Variants in PPP1R12A observed in about 807,000 individuals in gnomAD.
The protein encoded by PPP1R12A is myosin binding subunit.
Under a neutral mutation model 139.6 loss-of-function variants are expected in PPP1R12A, and 19 were observed. The observed-to-expected ratio is 0.14, with a 90% confidence interval of 0.09 to 0.20. The LOEUF is 0.20. PPP1R12A is among the 10% of genes least tolerant of loss of function. The pLI, the probability that PPP1R12A is intolerant of heterozygous loss-of-function variation, is 1.00. For synonymous variants in PPP1R12A, 427 were observed against 420.6 expected (o/e 1.02, Z -0.19); for missense variants, 925 against 1,211.5 (o/e 0.76, Z 3.51).
chr12:79,813,726 T>A (rs1874893554), intron 9 of PPP1R12A, among the ~76,000 whole-genome samples: 1 of 152,202 alleles, frequency 6.6e-6, no homozygotes. Flanking sequence ...AATCATCAGC[T>A]TGATATTGCT....
chr12:79,929,745 G>A (rs1255629782), intron 1 of PPP1R12A, among the ~76,000 whole-genome samples: 1 of 151,502 alleles, frequency 6.6e-6, no homozygotes, highest in Non-Finnish European at 1.5e-5. Context: ...CTCCAGCCTG[G>A]GTGACAGAAT....
intron 1 of PPP1R12A, among the ~76,000 whole-genome samples, chr12:79,881,313 A>C: frequency 6.6e-6 from 1 of 152,174 alleles, no homozygotes; most frequent in Non-Finnish European, 1.5e-5. Flanking sequence ...ATGCAAAGGA[A>C]AAGTTCTTGA....
chr12:79,817,042 A>G (rs1875487254), intron 9 of PPP1R12A, among the ~76,000 whole-genome samples: 1 of 152,120 alleles, frequency 6.6e-6, no homozygotes, highest in African/African-American at 2.4e-5. Context: ...TAAAGGATAT[A>G]AAACCTGAGC....
chr12:79,840,045 G>A (rs937792935), intron 3 of PPP1R12A, among the ~76,000 whole-genome samples: 33 of 151,072 alleles, frequency 2.2e-4, no homozygotes, highest in Admixed American at 1.9e-3. Flanking sequence ...GTATTTTCTA[G>A]GGAGACATTT....
intron 1 of PPP1R12A, among the ~76,000 whole-genome samples, chr12:79,930,075 C>CAA (rs1166927763): frequency 2.0e-5 from 3 of 152,158 alleles, no homozygotes; most frequent in African/African-American, 4.8e-5. Context: ...AAGACAAACA[C>CAA]AAACACTATT....
intron 5 of PPP1R12A, among the ~76,000 whole-genome samples, chr12:79,827,443 T>C (rs970658189): frequency 6.6e-6 from 1 of 152,192 alleles, no homozygotes; most frequent in African/African-American, 2.4e-5. Context: ...ACCTATGATA[T>C]TATCCTATAA....
At chr12:79,795,548 G>A in intron 18 of PPP1R12A, 90 bp downstream of exon 18, 6 of 1,274,038 alleles carry the variant, frequency 4.7e-6, no homozygotes, top group Admixed American at 2.3e-5. Flanking sequence ...GAAATCTAAG[G>A]CATATAAGAA....
chr12:79,871,767 G>A (rs950634973), intron 2 of PPP1R12A, among the ~76,000 whole-genome samples: 5 of 152,028 alleles, frequency 3.3e-5, no homozygotes, highest in East Asian at 1.9e-4. Flanking sequence ...TAAAGAACTC[G>A]AGATTGAGCG....
At chr12:79,909,335 G>A (rs184152537) in intron 1 of PPP1R12A, among the ~76,000 whole-genome samples, 100 of 152,166 alleles carry the variant, frequency 6.6e-4, no homozygotes, top group Non-Finnish European at 1.2e-3. Context: ...CAACCAAATA[G>A]TTCCCTCTGA....
intron 6 of PPP1R12A, 99 bp downstream of exon 6, chr12:79,822,017 C>G (rs1233522971): frequency 1.1e-6 from 1 of 888,454 alleles, no homozygotes; most frequent in African/African-American, 1.7e-5. Flanking sequence ...TAACTTAAAA[C>G]CAAAAAGTAC....
At chr12:79,816,105 T>G (rs563442949) in intron 9 of PPP1R12A, among the ~76,000 whole-genome samples, 12 of 151,972 alleles carry the variant, frequency 7.9e-5, no homozygotes, top group Non-Finnish European at 1.6e-4. Context: ...TAAAAACCAA[T>G]CAGTCCTTAA....
chr12:79,929,404 T>C (rs980215025), intron 1 of PPP1R12A, among the ~76,000 whole-genome samples: 1 of 152,192 alleles, frequency 6.6e-6, no homozygotes. Context: ...CAACTGGATA[T>C]AATATTTTTC....
intron 1 of PPP1R12A, among the ~76,000 whole-genome samples, chr12:79,890,862 C>T (rs1884520633): frequency 6.6e-6 from 1 of 150,694 alleles, no homozygotes; most frequent in Non-Finnish European, 1.5e-5. Context: ...TAGGTAACTT[C>T]AGAAACCTCA....
At chr12:79,935,159 C>T, upstream of PPP1R12A, 1 of 1,342,442 alleles carries the variant, frequency 7.4e-7, no homozygotes, top group South Asian at 1.9e-5. Flanking sequence ...CCGCCCCCAG[C>T]ACGGCCACCC....
chr12:79,886,258 T>C (rs987278354), intron 1 of PPP1R12A, among the ~76,000 whole-genome samples: 1 of 152,166 alleles, frequency 6.6e-6, no homozygotes, highest in African/African-American at 2.4e-5. Flanking sequence ...GCAGTACTCC[T>C]ATACTAAATA....
chr12:79,918,966 A>G (rs1005460291), intron 1 of PPP1R12A, among the ~76,000 whole-genome samples: 25 of 152,036 alleles, frequency 1.6e-4, no homozygotes, highest in African/African-American at 5.8e-4. Context: ...AAATACAAAA[A>G]TTAGCTAGGC....
intron 1 of PPP1R12A, among the ~76,000 whole-genome samples, chr12:79,884,393 A>G (rs1883917224): frequency 6.6e-6 from 1 of 152,202 alleles, no homozygotes; most frequent in Admixed American, 6.5e-5. Context: ...TTTGTTTATA[A>G]ATGTTTTTGA....
intron 1 of PPP1R12A, among the ~76,000 whole-genome samples, chr12:79,921,351 T>A (rs553772058): frequency 3.5e-4 from 53 of 152,006 alleles, no homozygotes; most frequent in Non-Finnish European, 7.4e-4. Flanking sequence ...CAAAAAAGAA[T>A]AATAGACATA....
intron 16 of PPP1R12A, 107 bp downstream of exon 16, chr12:79,797,081 AATCCTTT>A: frequency 3.7e-6 from 5 of 1,351,248 alleles, no homozygotes; most frequent in Middle Eastern, 2.1e-4. Flanking sequence ...TTCCAGCTAA[AATCCTTT>A]ACAGTATTTT....
Sources: gnomAD v4.1 joint callset for allele counts (sites outside exome capture counted in the v4.1 genomes callset) on GRCh38, gnomAD v4.1.1 for gene constraint, MANE v1.5 for transcripts, NCBI Gene and HGNC (gene_info 2026-07-23, HGNC 2026-07-21) for gene names.